Variants in PTPRD observed in about 807,000 individuals in gnomAD.
PTPRD encodes the protein protein tyrosine phosphatase receptor type D.
In PTPRD, 34 loss-of-function variants were observed where a neutral mutation model predicts 214.5. The ratio of observed to expected loss-of-function variants is 0.16; its 90% CI spans 0.12 to 0.21. The LOEUF (loss-of-function observed/expected upper bound fraction) is 0.21, where lower values mean the gene tolerates loss of function less well. Among genes scored for constraint, PTPRD ranks in the 10% least tolerant of loss-of-function variants. The pLI, the probability that PTPRD is intolerant of heterozygous loss-of-function variation, is 1.00. For missense variants in PTPRD, 2,545 were observed against 2,398.7 expected (o/e 1.06, Z -1.27); for synonymous variants, 1,128 against 845.7 (o/e 1.33, Z -5.79).
intron 11 of PTPRD, among the ~76,000 whole-genome samples, chr9:8,999,462 T>C (rs1476964113): frequency 6.6e-6 from 1 of 152,052 alleles, no homozygotes; most frequent in Non-Finnish European, 1.5e-5. Flanking sequence ...TTAATTAAGA[T>C]ATGTACATTG....
intron 3 of PTPRD, among the ~76,000 whole-genome samples, chr9:10,315,484 T>C (rs1219249041): frequency 6.6e-6 from 1 of 151,958 alleles, no homozygotes; most frequent in African/African-American, 2.4e-5. Context: ...AATTAGATTA[T>C]TAATTGGGGG....
chr9:8,861,868 G>A (rs2098112984), intron 11 of PTPRD: 1 of 152,152 alleles, frequency 6.6e-6, no homozygotes, highest in Non-Finnish European at 1.5e-5. Flanking sequence ...TTTCCTGTAG[G>A]TGTTAGCTTA....
At chr9:9,384,487 A>AACTCTTAACACTAATCACCT (rs1480553481) in intron 9 of PTPRD, among the ~76,000 whole-genome samples, 1 of 148,626 alleles carries the variant, frequency 6.7e-6, no homozygotes, top group Non-Finnish European at 1.5e-5. Flanking sequence ...CGAGTTTTTG[A>AACTCTTAACACTAATCACCT]GCTCTTGCAG....
intron 31 of PTPRD, among the ~76,000 whole-genome samples, chr9:8,468,419 C>G (rs2096586238): frequency 6.6e-6 from 1 of 151,988 alleles, no homozygotes; most frequent in South Asian, 2.1e-4. Context: ...TTCTGGGAGT[C>G]ATTCTGCCCC....
At chr9:9,059,164 A>G (rs1044122905) in intron 10 of PTPRD, among the ~76,000 whole-genome samples, 6 of 152,234 alleles carry the variant, frequency 3.9e-5, no homozygotes, top group Admixed American at 2.0e-4. Context: ...CTGAGGACCC[A>G]GATGAAGTCA....
At chr9:10,513,276 G>A (rs910969552) in intron 2 of PTPRD, among the ~76,000 whole-genome samples, 2 of 152,024 alleles carry the variant, frequency 1.3e-5, no homozygotes, top group Non-Finnish European at 2.9e-5. Flanking sequence ...GTAGTTACCA[G>A]TATGAGGAAT....
intron 2 of PTPRD, among the ~76,000 whole-genome samples, chr9:10,375,668 C>T (rs2097713971): frequency 1.3e-5 from 2 of 151,948 alleles, no homozygotes; most frequent in Admixed American, 6.6e-5. Flanking sequence ...TCACCATAAT[C>T]CCCAATGAAT....
intron 14 of PTPRD, among the ~76,000 whole-genome samples, chr9:8,603,604 T>A (rs1020494935): frequency 5.3e-5 from 8 of 152,300 alleles, no homozygotes; most frequent in Admixed American, 1.3e-4. Flanking sequence ...ATGCTGTCAA[T>A]AGAAGTCACC....
chr9:9,124,820 G>A (rs1368529284), intron 10 of PTPRD, among the ~76,000 whole-genome samples: 1 of 152,096 alleles, frequency 6.6e-6, no homozygotes, highest in Non-Finnish European at 1.5e-5. Flanking sequence ...TCACAAATCT[G>A]GGCAATTTTC....
intron 11 of PTPRD, among the ~76,000 whole-genome samples, chr9:8,910,033 A>T (rs999903188): frequency 4.0e-5 from 6 of 151,582 alleles, no homozygotes; most frequent in East Asian, 3.9e-4. Context: ...TTATTTATTT[A>T]TTATTTATTT....
intron 9 of PTPRD, among the ~76,000 whole-genome samples, chr9:9,361,609 T>C (rs2056186750): frequency 6.6e-6 from 1 of 151,180 alleles, no homozygotes; most frequent in South Asian, 2.1e-4. Flanking sequence ...AATTGGGATA[T>C]CCATCACTTT....
chr9:9,266,192 A>G (rs1459699016), intron 9 of PTPRD, among the ~76,000 whole-genome samples: 1 of 151,502 alleles, frequency 6.6e-6, no homozygotes, highest in African/African-American at 2.4e-5. Context: ...GGATGTAGCA[A>G]TTTTAAACGT....
intron 2 of PTPRD, among the ~76,000 whole-genome samples, chr9:10,449,517 G>A (rs901070870): frequency 2.1e-5 from 3 of 145,230 alleles, no homozygotes; most frequent in Admixed American, 2.0e-4. Flanking sequence ...GGGATGTGAG[G>A]AGCCCCTCTG....
Position 8,676,637 on chromosome 9 carries a change from G to A in PTPRD, c.65-39793C>T, listed in dbSNP as rs187919645. On this transcript the variant is annotated intron_variant, in intron 12 of 45. Transcript: ENST00000381196. ...TGCCCAGGCTGGAGTGCAATGGCGC[G>A]ATCTCGGCTCACCGCCACCACTGCC... 1.5e-3 allele frequency among the ~76,000 whole-genome samples: 233 copies of A among 152,106 alleles called. 1 individual carries two copies. Among genetic ancestry groups the A allele is most frequent in the East Asian group, 0.014 (74 of 5,172 alleles).
chr9:8,508,780 T>TA (rs753032112), intron 21 of PTPRD, among the ~76,000 whole-genome samples: 8 of 152,130 alleles, frequency 5.3e-5, no homozygotes, highest in African/African-American at 1.2e-4. Flanking sequence ...ACTATGGCTT[T>TA]AAAAAATGCC....
intron 5 of PTPRD, among the ~76,000 whole-genome samples, chr9:9,837,235 G>A (rs1565644241): frequency 6.6e-6 from 1 of 152,146 alleles, no homozygotes; most frequent in Non-Finnish European, 1.5e-5. Context: ...AAAGAAATGG[G>A]CATCATCCAG....
At chr9:9,524,780 AG>A (rs1428917677) in intron 8 of PTPRD, among the ~76,000 whole-genome samples, 2 of 152,216 alleles carry the variant, frequency 1.3e-5, no homozygotes, top group African/African-American at 4.8e-5. Context: ...GGCTGTGCAT[AG>A]AACTTGAAAT....
At chr9:9,327,274 T>G (rs1036429954) in intron 9 of PTPRD, among the ~76,000 whole-genome samples, 2 of 152,216 alleles carry the variant, frequency 1.3e-5, no homozygotes, top group Admixed American at 6.6e-5. Context: ...CCTTCAATTC[T>G]GCTACTTCTT....
rs188667723 is a variant in PTPRD at position 10,510,111 on chromosome 9, G to A, written c.-600+102287C>T. ...TTAAGGATCAAAATTATCAACTAGAGTACAGTGTTTGGGAACTGTTTCTTT... is the reference window on the plus strand; with the variant it reads ...TTAAGGATCAAAATTATCAACTAGAATACAGTGTTTGGGAACTGTTTCTTT... On this transcript the variant is annotated intron_variant, in intron 2 of 45. Coordinates refer to ENST00000381196, the MANE Select transcript of PTPRD (RefSeq NM_002839.4). 1.8e-3 allele frequency among the ~76,000 whole-genome samples: 279 copies of A among 152,144 alleles called. 2 individuals carry two copies. Among genetic ancestry groups the A allele is most frequent in the African/African-American group, 6.5e-3 (268 of 41,538 alleles).
Sources: gnomAD v4.1 joint callset for allele counts (sites outside exome capture counted in the v4.1 genomes callset) on GRCh38, gnomAD v4.1.1 for gene constraint, MANE v1.5 for transcripts, NCBI Gene and HGNC (gene_info 2026-07-23, HGNC 2026-07-21) for gene names.